GALR1: variants seen among roughly 807,000 people sequenced by gnomAD.
The protein encoded by GALR1 is galanin receptor 1.
GALR1 carries 11 observed loss-of-function variants against 17.9 expected under a neutral mutation model. The observed-to-expected ratio is 0.62, with a 90% CI of 0.39 to 1.02. The LOEUF (loss-of-function observed/expected upper bound fraction) is 1.02, where lower values mean the gene tolerates loss of function less well. GALR1 is among the 50% of genes least tolerant of loss of function. GALR1 has a pLI of 0.01. For synonymous variants in GALR1, 206 were observed against 205.7 expected, an observed-to-expected ratio of 1.00 and a Z score of -0.01; for missense variants, 441 against 456.9, an observed-to-expected ratio of 0.97 and a Z score of 0.32.
At chr18:77,251,939 C>G (rs1912428283) in intron 1 of GALR1, among the ~76,000 whole-genome samples, 1 of 152,180 alleles carries the variant, frequency 6.6e-6, no homozygotes, top group South Asian at 2.1e-4. Context: ...GAGTCTTGAC[C>G]GCAGGCTCCA....
At chr18:77,264,283 T>C (rs914865505) in intron 2 of GALR1, among the ~76,000 whole-genome samples, 4 of 152,062 alleles carry the variant, frequency 2.6e-5, no homozygotes, top group Non-Finnish European at 5.9e-5. Flanking sequence ...AAGTCCTATG[T>C]CCCAAGGGAA....
chr18:77,264,713 C>A (rs911975363), intron 2 of GALR1, among the ~76,000 whole-genome samples: 1 of 152,020 alleles, frequency 6.6e-6, no homozygotes, highest in Non-Finnish European at 1.5e-5. Context: ...AGGAAACTTA[C>A]AATTATGGTG....
rs1156715269 is a variant in GALR1 at position 77,274,908 on chromosome 18, T to A, written c.*6006T>A. ...GTTGGTCATATTTCTACACTTGAGA[T>A]CTTCCAGTTTCTGTGAATGTTGAGG... On this transcript the variant is annotated 3_prime_UTR_variant, in exon 3 of 3. Transcript: ENST00000299727. 1 of 152,256 alleles carries A rather than the reference T, an allele frequency of 6.6e-6. No homozygotes were observed. Among genetic ancestry groups the A allele is most frequent in the African/African-American group, 2.4e-5 (1 of 41,458 alleles). 9.4% of individuals were successfully genotyped at this position (152,256 alleles called of 1,614,324 possible).
chr18:77,253,750 A>G (rs1387525633), intron 1 of GALR1: 1 of 152,250 alleles, frequency 6.6e-6, no homozygotes, highest in Non-Finnish European at 1.5e-5. Context: ...CTGAAAAAAC[A>G]CAGATGGCTA....
chr18:77,258,959 C>G lies in GALR1; in HGVS notation c.732+2736C>G, dbSNP rs1337267009. On this transcript the variant is annotated intron_variant, in intron 2 of 2. Transcript: ENST00000299727. ...TGGTGATGATGGTGGTCATGGTGGT[C>G]ATGGTGGCGATTGTGGTGATGGTGG... Among the ~76,000 whole-genome samples, 80 of 78,554 alleles carry G rather than the reference C, an allele frequency of 1.0e-3. 1 individual carries two copies. The highest frequency in any genetic ancestry group is 1.4e-3 in the Non-Finnish European group (54 of 39,868). 51.5% of individuals were successfully genotyped at this position (78,554 alleles called of 152,430 possible).
In GALR1 at chr18:77,270,171, T is replaced by C. The variant is rs1913033949; in HGVS notation, c.*1269T>C. 6.6e-6 allele frequency: 1 copy of C among 152,212 alleles called. No homozygotes were observed. The highest frequency in any genetic ancestry group is 1.5e-5 in the Non-Finnish European group (1 of 68,036). 9.4% of individuals were successfully genotyped at this position (152,212 alleles called of 1,614,324 possible). A position where few individuals can be genotyped will look rare whatever the true frequency, so the allele number is the denominator to read the frequency against. On this transcript the variant is annotated 3_prime_UTR_variant, in exon 3 of 3. Transcript: ENST00000299727. ...CTTTTCAGACTGTAAGACTTTGATATGTTTTAGGAGGCAACAAAAGCAAGA... is the reference window on the plus strand; with the variant it reads ...CTTTTCAGACTGTAAGACTTTGATACGTTTTAGGAGGCAACAAAAGCAAGA...
chr18:77,269,128 A>G lies in GALR1; in HGVS notation c.*226A>G. The stretch of plus-strand genomic sequence containing the variant: ...TTATTTTAGTTCTAAATTATGTTTC[A>G]GAAACAAAAGACAATGCTGTACAGT... On this transcript the variant is annotated 3_prime_UTR_variant, in exon 3 of 3. Coordinates refer to ENST00000299727, the MANE Select transcript of GALR1 (RefSeq NM_001480.4). 1.9e-6 allele frequency: 1 copy of G among 526,646 alleles called. No homozygotes were observed. The highest frequency in any genetic ancestry group is 3.3e-6 in the Non-Finnish European group (1 of 298,916). 32.6% of individuals were successfully genotyped at this position (526,646 alleles called of 1,614,324 possible). A position where few individuals can be genotyped will look rare whatever the true frequency, so the allele number is the denominator to read the frequency against.
At position 77,271,260 on chromosome 18, in the gene GALR1, GCCA is replaced by G. The variant is rs1913060496; in HGVS notation, c.*2360_*2362del. On this transcript the variant is annotated 3_prime_UTR_variant, in exon 3 of 3. Transcript: ENST00000299727. ...TTGCGCTTGAAACCCCCCCCCCCCC[GCCA>G]CTTTGCTAAATGTAAATGCTAATTG... 3.9e-5 allele frequency: 1 copy of G among 25,678 alleles called. No homozygotes were observed. The highest frequency in any genetic ancestry group is 1.5e-3 in the East Asian group (1 of 676). 1.6% of individuals were successfully genotyped at this position (25,678 alleles called of 1,614,324 possible).
Position 77,250,932 on chromosome 18 carries a change from G to C in GALR1, c.384G>C (p.Ala128=), listed in dbSNP as rs1269962772. 4.4e-6 allele frequency: 7 copies of C among 1,604,594 alleles called. No individual in the cohort carries two copies. The highest frequency in any genetic ancestry group is 5.1e-6 in the Non-Finnish European group (6 of 1,179,956). The change falls in exon 1 of 3, where the codon GCG becomes GCC. Residue 128 remains alanine (A), a synonymous_variant. Coordinates refer to ENST00000299727, the MANE Select transcript of GALR1 (RefSeq NM_001480.4). ...SMLVSIFTLA[A]MSVDRYVAIV... is the part of the protein sequence containing the mutation. The stretch of plus-strand genomic sequence containing the variant: ...TGGTGAGCATCTTCACCCTGGCCGC[G>C]ATGTCCGTGGACCGCTACGTGGCCA...
At position 77,273,120 on chromosome 18, in the gene GALR1, TG is replaced by T. The variant is rs1913092754; in HGVS notation, c.*4222del. The T allele has an allele frequency of 6.6e-6, 1 of 152,182 alleles. No individual in the cohort carries two copies. Among genetic ancestry groups the T allele is most frequent in the Non-Finnish European group, 1.5e-5 (1 of 68,040 alleles). 9.4% of individuals were successfully genotyped at this position (152,182 alleles called of 1,614,324 possible). A position where few individuals can be genotyped will look rare whatever the true frequency, so the allele number is the denominator to read the frequency against. On this transcript the variant is annotated 3_prime_UTR_variant, in exon 3 of 3. Transcript: ENST00000299727. ...ATGTTTTTGACTTTAGCTGCCATCC[TG>T]GGGTTCTGAGGGTAGCATGTCTGTT...
At chr18:77,266,037 T>C (rs1912936946) in intron 2 of GALR1, among the ~76,000 whole-genome samples, 1 of 152,196 alleles carries the variant, frequency 6.6e-6, no homozygotes, top group Non-Finnish European at 1.5e-5. Flanking sequence ...GAATTTCTCC[T>C]CCAAAAATGC....
chr18:77,249,926 C>T lies in GALR1; in HGVS notation c.-623C>T, dbSNP rs1184850369. On this transcript the variant is annotated 5_prime_UTR_variant, in exon 1 of 3. Transcript: ENST00000299727. ...CACCAGGAAGCCTCCCAAAAGAGCT[C>T]TCGCCCTGTGGACGACTCGGAATCC... 1.3e-5 allele frequency among the ~76,000 whole-genome samples: 2 copies of T among 152,250 alleles called. No individual in the cohort carries two copies. Among genetic ancestry groups the T allele is most frequent in the Non-Finnish European group, 2.9e-5 (2 of 68,046 alleles).
At chr18:77,253,025 T>TCACCACCATCACCACCACCACCAC (rs1568139278) in intron 1 of GALR1, among the ~76,000 whole-genome samples, 5 of 40,500 alleles carry the variant, frequency 1.2e-4, no homozygotes, top group Admixed American at 3.0e-4. Context: ...ACCACCACCA[T>TCACCACCATCACCACCACCACCAC]CACCACCATC....
intron 1 of GALR1, among the ~76,000 whole-genome samples, chr18:77,251,553 G>A (rs989040527): frequency 5.3e-5 from 8 of 152,360 alleles, no homozygotes; most frequent in African/African-American, 1.9e-4. Context: ...GCGGTAGGTA[G>A]GCGGGCGCTG....
At position 77,256,340 on chromosome 18, in the gene GALR1, C is replaced by G. The variant is rs1912588225; in HGVS notation, c.732+117C>G. 17 of 609,512 alleles carry G rather than the reference C, an allele frequency of 2.8e-5. 1 individual carries two copies. The South Asian group carries it at 3.7e-4, about 13-fold the overall frequency. The allele number at this position is 609,512 out of a possible 1,614,324, so 37.8% of individuals were successfully genotyped here. ...GTAACATTTAGGACCCTTGGTGTGG[C>G]TAAGGAGGTTTGAGATGAGCCTCCC... On this transcript the variant is annotated intron_variant, in intron 2 of 2. Transcript: ENST00000299727.
intron 1 of GALR1, among the ~76,000 whole-genome samples, chr18:77,255,427 C>T (rs1477898073): frequency 2.0e-5 from 3 of 152,138 alleles, no homozygotes; most frequent in East Asian, 3.9e-4. Flanking sequence ...ATTGTCAAAC[C>T]TTGCAAAAAT....
At chr18:77,254,617 G>A (rs976663133) in intron 1 of GALR1, among the ~76,000 whole-genome samples, 3 of 152,208 alleles carry the variant, frequency 2.0e-5, no homozygotes, top group African/African-American at 4.8e-5. Context: ...GGCTGCCACT[G>A]AGCCATCTAG....
intron 1 of GALR1, chr18:77,253,745 A>G (rs981931813): frequency 7.9e-5 from 12 of 152,228 alleles, no homozygotes; most frequent in African/African-American, 1.9e-4. Flanking sequence ...ATAGCCTGAA[A>G]AAACACAGAT....
chr18:77,264,990 C>CA (rs1261662882), intron 2 of GALR1, among the ~76,000 whole-genome samples: 1 of 152,112 alleles, frequency 6.6e-6, no homozygotes, highest in Admixed American at 6.5e-5. Flanking sequence ...TGGCCCCTCC[C>CA]AAATCTCATG....
Sources: allele counts gnomAD v4.1 joint callset (sites outside exome capture counted in the v4.1 genomes callset), GRCh38; gene constraint gnomAD v4.1.1; transcripts MANE v1.5; gene names NCBI Gene and HGNC (gene_info 2026-07-23, HGNC 2026-07-21).